GRM1: variants seen among roughly 807,000 people sequenced by gnomAD.
GRM1 encodes the protein glutamate metabotropic receptor 1.
A neutral mutation model predicts 90.9 loss-of-function variants in GRM1; 33 were observed. The observed-to-expected ratio is 0.36, with a 90% CI of 0.28 to 0.49. GRM1 has a LOEUF of 0.49. Among genes scored for constraint, GRM1 ranks in the 20% least tolerant of loss-of-function variants. The pLI is 0.99. For synonymous variants in GRM1, 700 were observed against 613.2 expected, an observed-to-expected ratio of 1.14 and a Z score of -2.09; for missense variants, 1,190 against 1,534.3, an observed-to-expected ratio of 0.78 and a Z score of 3.75.
chr6:146,370,512 A>G (rs1583400805), intron 5 of GRM1, among the ~76,000 whole-genome samples: 1 of 152,118 alleles, frequency 6.6e-6, no homozygotes, highest in African/African-American at 2.4e-5. Context: ...TTCCCCTTCT[A>G]GAGATATACT....
chr6:146,091,960 T>C (rs1383853871), intron 1 of GRM1, among the ~76,000 whole-genome samples: 2 of 152,130 alleles, frequency 1.3e-5, no homozygotes, highest in Non-Finnish European at 2.9e-5. Context: ...CTGTCATCTT[T>C]CATTTACCCA....
intron 1 of GRM1, among the ~76,000 whole-genome samples, chr6:146,060,045 T>A (rs1775610008): frequency 6.6e-6 from 1 of 152,144 alleles, no homozygotes. Context: ...GTAGCACTTT[T>A]AATTCCTTTC....
chr6:146,384,572 A>C (rs902739651), intron 5 of GRM1, among the ~76,000 whole-genome samples: 1 of 151,954 alleles, frequency 6.6e-6, no homozygotes, highest in African/African-American at 2.4e-5. Context: ...ATAAATCCGC[A>C]CTCTACACCT....
At chr6:146,145,109 T>C (rs1369415690) in intron 1 of GRM1, among the ~76,000 whole-genome samples, 1 of 151,842 alleles carries the variant, frequency 6.6e-6, no homozygotes, top group East Asian at 1.9e-4. Context: ...ATCCCGAAAT[T>C]CAGGAAAAAA....
intron 2 of GRM1, among the ~76,000 whole-genome samples, chr6:146,224,190 T>C (rs1780162865): frequency 6.6e-6 from 1 of 152,138 alleles, no homozygotes; most frequent in African/African-American, 2.4e-5. Context: ...AGATAAAACT[T>C]TCCCCAATTC....
chr6:146,281,162 A>G (rs1357579834), intron 2 of GRM1, among the ~76,000 whole-genome samples: 1 of 152,148 alleles, frequency 6.6e-6, no homozygotes, highest in Non-Finnish European at 1.5e-5. Flanking sequence ...CTTCTTCTTG[A>G]TGGTAATTTG....
intron 7 of GRM1, among the ~76,000 whole-genome samples, chr6:146,417,849 T>C (rs1312152137): frequency 6.6e-6 from 1 of 152,170 alleles, no homozygotes; most frequent in Admixed American, 6.5e-5. Flanking sequence ...TTCCCCTCTG[T>C]AATAAATCAA....
At chr6:146,218,917 C>T (rs1159954268) in intron 2 of GRM1, among the ~76,000 whole-genome samples, 1 of 152,160 alleles carries the variant, frequency 6.6e-6, no homozygotes, top group Non-Finnish European at 1.5e-5. Context: ...ACCATTAAAT[C>T]TGTTCTCTTA....
At chr6:146,083,678 A>G (rs535584383) in intron 1 of GRM1, among the ~76,000 whole-genome samples, 8 of 152,186 alleles carry the variant, frequency 5.3e-5, no homozygotes, top group Admixed American at 2.6e-4. Context: ...CTTCAGGGAT[A>G]TTAGTCTGAA....
At chr6:146,398,025 C>G (rs1368029617) in intron 6 of GRM1, among the ~76,000 whole-genome samples, 1 of 152,146 alleles carries the variant, frequency 6.6e-6, no homozygotes, top group Non-Finnish European at 1.5e-5. Flanking sequence ...ATACAAAATA[C>G]ATTTTATTCT....
At chr6:146,243,515 G>A (rs1780940590) in intron 2 of GRM1, among the ~76,000 whole-genome samples, 1 of 152,048 alleles carries the variant, frequency 6.6e-6, no homozygotes, top group Non-Finnish European at 1.5e-5. Flanking sequence ...TACAATGTAA[G>A]AACAGTTCTG....
intron 2 of GRM1, among the ~76,000 whole-genome samples, chr6:146,172,712 A>G (rs533841813): frequency 3.3e-5 from 5 of 152,310 alleles, no homozygotes; most frequent in East Asian, 1.9e-4. Context: ...TGAGGGCACT[A>G]TATTTCCACA....
At chr6:146,243,922 C>T (rs966684961) in intron 2 of GRM1, among the ~76,000 whole-genome samples, 1 of 152,138 alleles carries the variant, frequency 6.6e-6, no homozygotes, top group Non-Finnish European at 1.5e-5. Flanking sequence ...CTCTCTTTCT[C>T]CAGGCTGTTC....
chr6:146,348,017 A>C lies in GRM1; in HGVS notation c.1187-4233A>C, dbSNP rs148015604. Among the ~76,000 whole-genome samples, 11 of 152,380 alleles carry C rather than the reference A, an allele frequency of 7.2e-5. No homozygotes were observed. In the East Asian group the frequency reaches 2.1e-3, roughly 29 times the overall value. On this transcript the variant is annotated intron_variant, in intron 3 of 7. Coordinates refer to ENST00000282753, the MANE Select transcript of GRM1 (RefSeq NM_001278064.2). ...TTAGGCAGGTATTCTTTTGAAAGTA[A>C]ATAAACACAGTCAACTACAATTATT...
At chr6:146,352,785 C>T (rs536818667) in intron 4 of GRM1, among the ~76,000 whole-genome samples, 45 of 152,302 alleles carry the variant, frequency 3.0e-4, no homozygotes, top group African/African-American at 1.1e-3. Context: ...GACCTTCCTG[C>T]AAGCCCAGGA....
intron 7 of GRM1, among the ~76,000 whole-genome samples, chr6:146,413,484 T>C (rs1317069308): frequency 2.6e-5 from 4 of 152,126 alleles, no homozygotes. Context: ...TTAGTTTTCT[T>C]TGTCAAGAAT....
chr6:146,212,240 G>A (rs746600255), intron 2 of GRM1, among the ~76,000 whole-genome samples: 1 of 152,176 alleles, frequency 6.6e-6, no homozygotes, highest in East Asian at 1.9e-4. Flanking sequence ...GGGGACTGTA[G>A]CCTAGCTAAG....
intron 5 of GRM1, among the ~76,000 whole-genome samples, chr6:146,368,063 AT>A (rs1249539900): frequency 2.0e-5 from 3 of 152,062 alleles, no homozygotes; most frequent in African/African-American, 7.2e-5. Context: ...TATAGTTTTG[AT>A]TGTAAAAATA....
At chr6:146,379,167 A>AC (rs1164059339) in intron 5 of GRM1, among the ~76,000 whole-genome samples, 25 of 152,086 alleles carry the variant, frequency 1.6e-4, no homozygotes, top group African/African-American at 5.8e-4. Context: ...ATACTTTCAA[A>AC]CCCTATCTCT....
Sources: gnomAD v4.1 joint callset for allele counts (sites outside exome capture counted in the v4.1 genomes callset) on GRCh38, gnomAD v4.1.1 for gene constraint, MANE v1.5 for transcripts, NCBI Gene and HGNC (gene_info 2026-07-23, HGNC 2026-07-21) for gene names.